Variants in MYO3A observed in about 807,000 individuals in gnomAD.
MYO3A encodes myosin-IIIa.
MYO3A carries 180 observed loss-of-function variants against 192.7 expected under a neutral mutation model. That is an observed-to-expected ratio of 0.93 (90% CI 0.83 to 1.06). MYO3A has a LOEUF of 1.06. MYO3A is among the 50% of genes least tolerant of loss of function. The pLI is 0.00. For synonymous variants in MYO3A, 628 were observed against 645.3 expected (o/e 0.97, Z 0.41); for missense variants, 1,896 against 1,905.0 (o/e 1.00, Z 0.09).
At chr10:25,955,073 T>C (rs1837455443) in intron 4 of MYO3A, 65 bp downstream of exon 4, 1 of 1,564,454 alleles carries the variant, frequency 6.4e-7, no homozygotes, top group Non-Finnish European at 8.8e-7. Flanking sequence ...TGACTTGTTA[T>C]ACTATTTATG....
At chr10:26,040,861 T>A (rs1843306973) in intron 10 of MYO3A, among the ~76,000 whole-genome samples, 1 of 152,132 alleles carries the variant, frequency 6.6e-6, no homozygotes, top group Non-Finnish European at 1.5e-5. Context: ...GAAAAATGTG[T>A]ATTCTATAGC....
chr10:25,945,550 A>G (rs1008167619), intron 2 of MYO3A, among the ~76,000 whole-genome samples: 1 of 152,038 alleles, frequency 6.6e-6, no homozygotes, highest in African/African-American at 2.4e-5. Context: ...TTTGGTACAT[A>G]TATGTGTATA....
chr10:26,094,037 C>T (rs1836860514), intron 15 of MYO3A, among the ~76,000 whole-genome samples: 1 of 152,174 alleles, frequency 6.6e-6, no homozygotes, highest in Non-Finnish European at 1.5e-5. Context: ...TTTTGAAATA[C>T]TAACAAGGAA....
At chr10:26,108,527 G>T (rs556805235) in intron 17 of MYO3A, among the ~76,000 whole-genome samples, 104 of 152,278 alleles carry the variant, frequency 6.8e-4, no homozygotes, top group Non-Finnish European at 1.4e-3. Context: ...TGAAATTATT[G>T]AATCTAATGA....
intron 4 of MYO3A, among the ~76,000 whole-genome samples, chr10:25,994,934 C>T (rs1225847266): frequency 6.6e-6 from 1 of 152,144 alleles, no homozygotes; most frequent in African/African-American, 2.4e-5. Flanking sequence ...TCTCTGGCTG[C>T]CCTTAATATT....
At chr10:26,057,157 T>G (rs35251452) in intron 10 of MYO3A, among the ~76,000 whole-genome samples, 71,713 of 151,762 alleles carry the variant, frequency 0.47, 17,756 homozygotes, top group Middle Eastern at 0.59. Context: ...GAGGAGTGAA[T>G]GTAAATAAGG....
chr10:26,134,657 A>G (rs925160632), intron 20 of MYO3A, among the ~76,000 whole-genome samples: 1 of 152,208 alleles, frequency 6.6e-6, no homozygotes, highest in Non-Finnish European at 1.5e-5. Context: ...AAATTATTTC[A>G]AAATGAAAAG....
chr10:26,201,248 ATTC>A lies in MYO3A; in HGVS notation c.4546-11_4546-9del. On this transcript the variant is annotated splice_polypyrimidine_tract_variant and intron_variant, in intron 32 of 34. Transcript: ENST00000642920. ...TCATAATATTATATAGATCTTTTGA[ATTC>A]TTCTTTCCTTTAGAAGTCAATCCAA... 1 of 1,475,494 alleles carries A rather than the reference ATTC, an allele frequency of 6.8e-7. No homozygotes were observed. The highest frequency in any genetic ancestry group is 2.3e-5 in the East Asian group (1 of 42,802). 91.4% of individuals were successfully genotyped at this position (1,475,494 alleles called of 1,614,324 possible).
rs532744703 is a variant in MYO3A, at chr10:26,008,150, T to C, written c.509-8670T>C. Among the ~76,000 whole-genome samples the C allele has an allele frequency of 9.8e-3, 1,444 of 148,008 alleles. 59 individuals are homozygous for C. The highest frequency in any genetic ancestry group is 0.015 in the Non-Finnish European group (1,046 of 67,620). The stretch of plus-strand genomic sequence containing the variant: ...AATGGGGAAAGGATTCCCTATTTAA[T>C]AAATGGTGTTGGGAAAACTGGCTAG... On this transcript the variant is annotated intron_variant, in intron 6 of 34. Transcript: ENST00000642920.
intron 10 of MYO3A, among the ~76,000 whole-genome samples, chr10:26,043,986 A>T (rs187063257): frequency 2.0e-5 from 3 of 152,252 alleles, no homozygotes. Flanking sequence ...TCTGGGTATC[A>T]CTGCTGGTCA....
chr10:26,147,276 ATGATAAGGGG>A (rs1840525017), intron 22 of MYO3A, among the ~76,000 whole-genome samples, 144 bp from the exon 23 acceptor site: 1 of 152,068 alleles, frequency 6.6e-6, no homozygotes, highest in Non-Finnish European at 1.5e-5. Context: ...CTACCTTAAG[ATGATAAGGGG>A]CTACCTTAGT....
intron 10 of MYO3A, among the ~76,000 whole-genome samples, chr10:26,051,374 A>G (rs1019896062): frequency 1.1e-4 from 17 of 151,966 alleles, no homozygotes; most frequent in East Asian, 3.9e-4. Flanking sequence ...ATTGATTTCT[A>G]TACACATCAG....
chr10:26,067,688 G>A (rs967548462), intron 11 of MYO3A, among the ~76,000 whole-genome samples: 5 of 147,080 alleles, frequency 3.4e-5, no homozygotes, highest in South Asian at 2.2e-4. Flanking sequence ...AAACATTTTT[G>A]TGAAGGTAGA....
chr10:26,157,645 T>G, intron 26 of MYO3A, 130 bp downstream of exon 26: 1 of 986,792 alleles, frequency 1.0e-6, no homozygotes, highest in Non-Finnish European at 1.5e-6. Context: ...TGCAAATGAT[T>G]ATGTGTTGAA....
intron 22 of MYO3A, among the ~76,000 whole-genome samples, chr10:26,146,855 G>A (rs1176890585): frequency 6.6e-6 from 1 of 152,200 alleles, no homozygotes; most frequent in African/African-American, 2.4e-5. Context: ...GCTCACGCCT[G>A]TAATCCTAGC....
At chr10:26,111,816 A>T (rs10828953) in intron 17 of MYO3A, among the ~76,000 whole-genome samples, 2 of 151,988 alleles carry the variant, frequency 1.3e-5, no homozygotes, top group Non-Finnish European at 2.9e-5. Flanking sequence ...AGCTAATAGA[A>T]GCTCAGGGCA....
At chr10:26,068,632 T>G in intron 11 of MYO3A, 136 bp from the exon 12 acceptor site, 2 of 567,728 alleles carry the variant, frequency 3.5e-6, no homozygotes, top group South Asian at 3.9e-5. Context: ...TGTTACATGT[T>G]TTTTACTATC....
chr10:26,172,959 G>T (rs1408609336), intron 29 of MYO3A, among the ~76,000 whole-genome samples: 1 of 152,022 alleles, frequency 6.6e-6, no homozygotes, highest in African/African-American at 2.4e-5. Flanking sequence ...GCAACGAGAG[G>T]TGTTAGCATA....
intron 4 of MYO3A, among the ~76,000 whole-genome samples, chr10:25,989,904 G>A (rs1297960493): frequency 3.3e-5 from 5 of 152,148 alleles, no homozygotes; most frequent in South Asian, 2.1e-4. Flanking sequence ...GAAAGGAGCC[G>A]TGGGATGTGT....
Sources: allele counts gnomAD v4.1 joint callset (sites outside exome capture counted in the v4.1 genomes callset), GRCh38; gene constraint gnomAD v4.1.1; transcripts MANE v1.5; gene names NCBI Gene and HGNC (gene_info 2026-07-23, HGNC 2026-07-21).